Variants in ADGRG2 observed in about 807,000 individuals in gnomAD.
ADGRG2 encodes the protein G protein-coupled receptor 64.
In ADGRG2, 26 loss-of-function variants were observed where a neutral mutation model predicts 74.1. That is an observed-to-expected ratio of 0.35 (90% confidence interval 0.26 to 0.49). The LOEUF is 0.49. Among genes scored for constraint, ADGRG2 ranks in the 20% least tolerant of loss-of-function variants. ADGRG2 has a pLI of 0.99. For missense variants in ADGRG2, 619 were observed against 763.1 expected, an observed-to-expected ratio of 0.81 and a Z score of 2.22; for synonymous variants, 296 against 295.2, an observed-to-expected ratio of 1.00 and a Z score of -0.03.
chrX:19,031,863 T>C (rs1281383080), intron 8 of ADGRG2: 3 of 112,467 alleles, frequency 2.7e-5, no homozygotes, highest in African/African-American at 9.7e-5. Context: ...CTAAAAAGCC[T>C]TCCTTTATTA....
At chrX:19,074,145 C>T (rs1056118056) in intron 2 of ADGRG2, among the ~76,000 whole-genome samples, 4 of 111,558 alleles carry the variant, frequency 3.6e-5, no homozygotes, top group African/African-American at 1.3e-4. Flanking sequence ...CTTCAGTGTT[C>T]CGGGAATATG....
chrX:19,083,466 G>A (rs895944111), intron 1 of ADGRG2, among the ~76,000 whole-genome samples: 1 of 111,008 alleles, frequency 9.0e-6, no homozygotes, highest in Non-Finnish European at 1.9e-5. Context: ...ATTTCTTCAT[G>A]TGTTTGTGAC....
At chrX:19,034,928 C>T (rs1028572239) in intron 7 of ADGRG2, 5 of 107,927 alleles carry the variant, frequency 4.6e-5, no homozygotes, top group Admixed American at 3.0e-4. Context: ...AGAGAGACTC[C>T]GTCTCAAAAA....
intron 19 of ADGRG2, 141 bp downstream of exon 19, chrX:19,007,839 G>A (rs1323758727): frequency 4.3e-6 from 2 of 466,361 alleles, no homozygotes; most frequent in Non-Finnish European, 7.5e-6. Context: ...GTATCATTAG[G>A]CTGCATTTAA....
chrX:19,015,038 T>A (rs2060440141), intron 15 of ADGRG2, among the ~76,000 whole-genome samples: 1 of 111,842 alleles, frequency 8.9e-6, no homozygotes, highest in Non-Finnish European at 1.9e-5. Context: ...CTAAACTCTC[T>A]GGTGATTTTC....
At chrX:19,036,900 G>A (rs776300706) in intron 6 of ADGRG2, among the ~76,000 whole-genome samples, 2 of 111,301 alleles carry the variant, frequency 1.8e-5, no homozygotes, top group African/African-American at 6.5e-5. Flanking sequence ...TAAGATGGAA[G>A]GAAGGCTGTC....
At chrX:19,047,807 C>T (rs1030098479) in intron 3 of ADGRG2, among the ~76,000 whole-genome samples, 8 of 111,708 alleles carry the variant, frequency 7.2e-5, no homozygotes, top group Non-Finnish European at 3.8e-5. Context: ...CTTCCAGGAA[C>T]GGCATTTTCC....
intron 11 of ADGRG2, 50 bp downstream of exon 11, chrX:19,027,169 C>T (rs1351126604): frequency 2.4e-6 from 2 of 818,940 alleles, no homozygotes; most frequent in Admixed American, 4.5e-5. Context: ...CAAAAAGTAT[C>T]CTTCCATAGT....
intron 1 of ADGRG2, among the ~76,000 whole-genome samples, chrX:19,097,221 C>T (rs921406017): frequency 9.7e-5 from 11 of 113,045 alleles, no homozygotes; most frequent in African/African-American, 3.2e-4. Context: ...CAAAAGGTAT[C>T]TCTTCTTTGG....
At chrX:18,999,814 C>A in intron 25 of ADGRG2, 47 bp downstream of exon 25, 1 of 769,073 alleles carries the variant, frequency 1.3e-6, no homozygotes, top group Non-Finnish European at 2.0e-6. Flanking sequence ...TAGGAGCATT[C>A]CGTTTTCCAG....
At chrX:19,030,011 A>C (rs2060792547) in intron 9 of ADGRG2, among the ~76,000 whole-genome samples, 1 of 112,331 alleles carries the variant, frequency 8.9e-6, no homozygotes, top group Non-Finnish European at 1.9e-5. Flanking sequence ...ATATTCACAC[A>C]ATAGAAAGTG....
intron 10 of ADGRG2, among the ~76,000 whole-genome samples, chrX:19,027,816 T>TC (rs958861091): frequency 8.9e-6 from 1 of 111,990 alleles, no homozygotes; most frequent in African/African-American, 3.2e-5. Context: ...TGCATCAGAA[T>TC]CCCCCATGGG....
At chrX:19,039,410 A>C in intron 4 of ADGRG2, 1 of 300,569 alleles carries the variant, frequency 3.3e-6, no homozygotes, top group South Asian at 3.1e-5. Context: ...TAATGAATCA[A>C]TAACAGTAGA....
chrX:19,005,020 A>G (rs2060201883), intron 22 of ADGRG2, 141 bp from the exon 23 acceptor site: 1 of 442,170 alleles, frequency 2.3e-6, no homozygotes, highest in Non-Finnish European at 3.8e-6. Context: ...TATCAGGTAA[A>G]GATAAGGAAA....
At chrX:19,038,251 T>C (rs2060982884) in intron 4 of ADGRG2, among the ~76,000 whole-genome samples, 1 of 112,394 alleles carries the variant, frequency 8.9e-6, no homozygotes, top group Non-Finnish European at 1.9e-5. Context: ...ATTTAAAAGA[T>C]TCAATGGCTT....
chrX:18,993,224 T>C (rs1484434594), intron 28 of ADGRG2, among the ~76,000 whole-genome samples: 1 of 111,720 alleles, frequency 9.0e-6, no homozygotes, highest in African/African-American at 3.3e-5. Context: ...GGGGACATTT[T>C]GGGTTGTCAT....
At chrX:18,996,540 A>G (rs1019923981) in intron 26 of ADGRG2, among the ~76,000 whole-genome samples, 6 of 109,321 alleles carry the variant, frequency 5.5e-5, no homozygotes, top group Non-Finnish European at 1.1e-4. Flanking sequence ...TCCGTTTCCA[A>G]GCTCTGTCAA....
chrX:19,103,905 G>A (rs376384941), intron 1 of ADGRG2, among the ~76,000 whole-genome samples: 1 of 111,296 alleles, frequency 9.0e-6, no homozygotes, highest in African/African-American at 3.3e-5. Flanking sequence ...TCAAATACAA[G>A]GTCTTGAGGG....
intron 1 of ADGRG2, among the ~76,000 whole-genome samples, chrX:19,117,642 C>A (rs938187342): frequency 4.5e-5 from 5 of 110,340 alleles, no homozygotes; most frequent in South Asian, 3.9e-4. Context: ...TATGGCAAAA[C>A]CCCGTCTCTA....
Sources: gnomAD v4.1 joint callset for allele counts (sites outside exome capture counted in the v4.1 genomes callset) on GRCh38, gnomAD v4.1.1 for gene constraint, MANE v1.5 for transcripts, NCBI Gene and HGNC (gene_info 2026-07-23, HGNC 2026-07-21) for gene names.